The following KCNMA1 variants were observed in gnomAD, a reference collection of about 807,000 sequenced individuals.
KCNMA1 encodes the protein Calcium-activated potassium channel subunit alpha-1.
A neutral mutation model predicts 140.0 loss-of-function variants in KCNMA1; 29 were observed. That is an observed-to-expected ratio of 0.21 (90% CI 0.15 to 0.28). The LOEUF is 0.28. Among genes scored for constraint, KCNMA1 ranks in the 10% least tolerant of loss-of-function variants. KCNMA1 has a pLI of 1.00. For missense variants in KCNMA1, 880 were observed against 1,602.2 expected (o/e 0.55, Z 7.70); for synonymous variants, 612 against 611.9 (o/e 1.00, Z 0.00).
chr10:77,470,031 C>G (rs2098117671), intron 1 of KCNMA1, among the ~76,000 whole-genome samples: 1 of 152,132 alleles, frequency 6.6e-6, no homozygotes, highest in African/African-American at 2.4e-5. Context: ...TCTGCTCCTT[C>G]TGTCAGCAGT....
At chr10:76,955,560 AAAG>A (rs2067933970) in intron 20 of KCNMA1, among the ~76,000 whole-genome samples, 1 of 152,196 alleles carries the variant, frequency 6.6e-6, no homozygotes, top group Non-Finnish European at 1.5e-5. Flanking sequence ...TCTGATCTTA[AAAG>A]AAGAACAATC....
intron 17 of KCNMA1, among the ~76,000 whole-genome samples, chr10:77,013,855 G>A (rs998389320): frequency 1.3e-5 from 2 of 152,098 alleles, no homozygotes; most frequent in South Asian, 2.1e-4. Context: ...CACATAGCCT[G>A]GCACCAGAGC....
At chr10:77,075,351 C>G (rs1462705868) in intron 13 of KCNMA1, among the ~76,000 whole-genome samples, 1 of 152,198 alleles carries the variant, frequency 6.6e-6, no homozygotes, top group East Asian at 1.9e-4. Flanking sequence ...GCAGTAATAT[C>G]ATCTGAGAAC....
intron 1 of KCNMA1, among the ~76,000 whole-genome samples, chr10:77,423,573 G>A (rs2096913905): frequency 6.6e-6 from 1 of 152,174 alleles, no homozygotes; most frequent in East Asian, 1.9e-4. Flanking sequence ...GGAGAGGAAG[G>A]AGACACCAGG....
At chr10:76,949,554 T>C in intron 21 of KCNMA1, 188 bp from the exon 22 acceptor site, 1 of 623,150 alleles carries the variant, frequency 1.6e-6, no homozygotes. Flanking sequence ...CGTGTATATG[T>C]ATTATATTTT....
Position 76,885,083 on chromosome 10 carries a change from G to A in KCNMA1, c.*2183C>T, listed in dbSNP as rs201067003. Reference sequence around the variant, plus strand: ...TTTAAACTGTCATATTTCCTGTTGAGCACTTTAACTGGCACATTCTTATAG... The same window carrying A: ...TTTAAACTGTCATATTTCCTGTTGAACACTTTAACTGGCACATTCTTATAG... On this transcript the variant is annotated 3_prime_UTR_variant, in exon 28 of 28. Coordinates refer to ENST00000286628, the MANE Select transcript of KCNMA1 (RefSeq NM_001161352.2). 3.6e-3 allele frequency: 5,568 copies of A among 1,540,192 alleles called. 35 individuals are homozygous for A. The highest frequency in any genetic ancestry group is 0.018 in the South Asian group (1,433 of 81,882).
intron 1 of KCNMA1, among the ~76,000 whole-genome samples, chr10:77,558,260 C>T (rs79579157): frequency 0.015 from 2,225 of 152,190 alleles, 60 homozygotes; most frequent in African/African-American, 0.051. Context: ...GTAGGACATG[C>T]CTCGTGAATC....
intron 14 of KCNMA1, among the ~76,000 whole-genome samples, chr10:77,043,042 T>C (rs984113513): frequency 6.6e-6 from 1 of 152,242 alleles, no homozygotes; most frequent in African/African-American, 2.4e-5. Flanking sequence ...TCTTTTTTCC[T>C]GCAAGTTTGC....
At chr10:77,020,315 G>A (rs1366975784) in intron 16 of KCNMA1, 1 of 152,126 alleles carries the variant, frequency 6.6e-6, no homozygotes, top group African/African-American at 2.4e-5. Flanking sequence ...ATACAGGAAG[G>A]ACCCAGGTGA....
intron 1 of KCNMA1, among the ~76,000 whole-genome samples, chr10:77,465,133 C>T (rs1350670321): frequency 3.3e-5 from 5 of 152,184 alleles, no homozygotes; most frequent in Non-Finnish European, 5.9e-5. Context: ...CTCTCGGCCT[C>T]CATCCAGAGA....
chr10:76,947,952 A>G (rs939744350), intron 22 of KCNMA1, among the ~76,000 whole-genome samples: 13 of 151,786 alleles, frequency 8.6e-5, no homozygotes, highest in African/African-American at 3.1e-4. Flanking sequence ...GTGGGGGAAA[A>G]CCCAGACTTC....
At chr10:76,944,732 C>G (rs761508399) in intron 23 of KCNMA1, 41 bp downstream of exon 23, 1 of 1,570,194 alleles carries the variant, frequency 6.4e-7, no homozygotes, top group South Asian at 1.1e-5. Context: ...AGCCCCTGTC[C>G]CCTGCAGGCA....
chr10:76,977,743 T>A, intron 19 of KCNMA1: 2 of 666,154 alleles, frequency 3.0e-6, no homozygotes, highest in South Asian at 3.3e-5. Context: ...GACTCTACTG[T>A]CCCTACCACC....
At chr10:76,972,651 G>A (rs551052044) in intron 19 of KCNMA1, among the ~76,000 whole-genome samples, 4 of 152,288 alleles carry the variant, frequency 2.6e-5, no homozygotes, top group East Asian at 1.9e-4. Context: ...ATCATCCATC[G>A]TAATCATACT....
intron 1 of KCNMA1, among the ~76,000 whole-genome samples, chr10:77,543,411 C>A (rs1268140973): frequency 6.6e-6 from 1 of 151,924 alleles, no homozygotes; most frequent in East Asian, 1.9e-4. Flanking sequence ...ACAGAGCTAC[C>A]CAAGTTAAAC....
At chr10:77,485,546 G>A (rs561436187) in intron 1 of KCNMA1, among the ~76,000 whole-genome samples, 1 of 152,314 alleles carries the variant, frequency 6.6e-6, no homozygotes, top group African/African-American at 2.4e-5. Flanking sequence ...GACTTGCCCA[G>A]CACAAGCTCT....
rs772878572 is a variant in KCNMA1 at position 77,082,002 on chromosome 10, C to CTTT, written c.1524-2455_1524-2453dup. On this transcript the variant is annotated intron_variant, in intron 12 of 27. Coordinates refer to ENST00000286628, the MANE Select transcript of KCNMA1 (RefSeq NM_001161352.2). ...CCTTTGACCAGTAATTTCTTTTTTT[C>CTTT]TTTTCTTTTTTTTTTTTTTTTTTTT... Among the ~76,000 whole-genome samples the CTTT allele has an allele frequency of 1.1e-3, 55 of 51,690 alleles. 7 individuals carry two copies. The highest frequency in any genetic ancestry group is 1.4e-3 in the Admixed American group (6 of 4,234). The allele number at this position is 51,690 out of a possible 152,430, so 33.9% of individuals were successfully genotyped here. A position where few individuals can be genotyped will look rare whatever the true frequency, so the allele number is the denominator to read the frequency against.
chr10:76,949,079 T>C (rs895340452), intron 22 of KCNMA1, 63 bp downstream of exon 22: 5 of 1,235,800 alleles, frequency 4.0e-6, no homozygotes, highest in African/African-American at 1.5e-5. Context: ...ATTATATCCA[T>C]CCGGGATTTT....
At chr10:76,917,866 A>G (rs776352282) in intron 23 of KCNMA1, among the ~76,000 whole-genome samples, 2 of 152,196 alleles carry the variant, frequency 1.3e-5, no homozygotes, top group African/African-American at 4.8e-5. Flanking sequence ...GATATGGGAA[A>G]ATTATGGTCA....
Sources: allele counts gnomAD v4.1 joint callset (sites outside exome capture counted in the v4.1 genomes callset), GRCh38; gene constraint gnomAD v4.1.1; transcripts MANE v1.5; gene names NCBI Gene and HGNC (gene_info 2026-07-23, HGNC 2026-07-21).